The following SLC24A2 variants were observed in gnomAD, a reference collection of about 807,000 sequenced individuals.
SLC24A2 encodes the protein solute carrier family 24 member 2.
SLC24A2 carries 36 observed loss-of-function variants against 62.0 expected under a neutral mutation model. That is an observed-to-expected ratio of 0.58 (90% CI 0.44 to 0.77). SLC24A2 has a LOEUF of 0.77. Ranked by LOEUF, SLC24A2 falls within the 30% of genes least tolerant of loss-of-function variation. The pLI, the probability that SLC24A2 is intolerant of heterozygous loss-of-function variation, is 0.00. For missense variants in SLC24A2, 846 were observed against 817.9 expected (o/e 1.03, Z -0.42); for synonymous variants, 358 against 294.0 (o/e 1.22, Z -2.23).
In SLC24A2 at chr9:19,510,245, T is replaced by C. The variant is rs1002995327; in HGVS notation, c.*5908A>G. 2 of 152,012 alleles carry C rather than the reference T, an allele frequency of 1.3e-5. No individual in the cohort carries two copies. The highest frequency in any genetic ancestry group is 4.8e-5 in the African/African-American group (2 of 41,384). 9.4% of individuals were successfully genotyped at this position (152,012 alleles called of 1,614,324 possible). On this transcript the variant is annotated 3_prime_UTR_variant, in exon 11 of 11. Transcript: ENST00000341998. ...GATTATCATTAGTCATAAGGTTCCA[T>C]CATTTAAGAACAATATAAAGAACTT...
intron 2 of SLC24A2, among the ~76,000 whole-genome samples, chr9:19,638,361 G>C (rs186066275): frequency 6.6e-6 from 1 of 152,204 alleles, no homozygotes; most frequent in Non-Finnish European, 1.5e-5. Flanking sequence ...ATTTTAGTAA[G>C]TTGAATTTAC....
At chr9:19,891,698 A>T in the SLC24A2 span, among the ~76,000 whole-genome samples, 1 of 152,192 alleles carries the variant, frequency 6.6e-6, no homozygotes, top group Admixed American at 6.5e-5. Context: ...GTGAGCTATG[A>T]TCACGCCACT....
the SLC24A2 span, among the ~76,000 whole-genome samples, chr9:19,933,261 C>T: frequency 2.7e-4 from 41 of 152,196 alleles, no homozygotes; most frequent in Admixed American, 2.4e-3. Flanking sequence ...CTAAAAGCAA[C>T]GGTACTTGCA....
the SLC24A2 span, among the ~76,000 whole-genome samples, chr9:19,912,342 T>C: frequency 6.6e-6 from 1 of 152,180 alleles, no homozygotes; most frequent in Non-Finnish European, 1.5e-5. Flanking sequence ...AGCATTTGAA[T>C]GTCCTGGAAA....
the SLC24A2 span, among the ~76,000 whole-genome samples, chr9:20,062,599 A>G: frequency 3.5e-5 from 5 of 143,302 alleles, no homozygotes; most frequent in Non-Finnish European, 7.5e-5. Context: ...TTCTTGTCTA[A>G]AACACCAAAA....
the SLC24A2 span, among the ~76,000 whole-genome samples, chr9:20,231,623 G>A: frequency 1.3e-5 from 2 of 152,160 alleles, no homozygotes; most frequent in African/African-American, 4.8e-5. Context: ...ATCAGCTTGA[G>A]GAGATTTTGG....
At chr9:19,888,453 A>G in the SLC24A2 span, among the ~76,000 whole-genome samples, 1 of 152,092 alleles carries the variant, frequency 6.6e-6, no homozygotes, top group Non-Finnish European at 1.5e-5. Context: ...TCTTTTATTT[A>G]TAATAAAACC....
the SLC24A2 span, among the ~76,000 whole-genome samples, chr9:20,261,519 G>A: frequency 1.3e-5 from 2 of 152,074 alleles, no homozygotes; most frequent in African/African-American, 2.4e-5. Context: ...ATCCATTCAT[G>A]AGGGCGCCGC....
intron 1 of SLC24A2, among the ~76,000 whole-genome samples, chr9:19,787,604 A>C (rs1276191343): frequency 1.3e-5 from 2 of 152,216 alleles, no homozygotes; most frequent in Non-Finnish European, 2.9e-5. Flanking sequence ...TTTTTCATAA[A>C]AAGTCTCTCC....
intron 4 of SLC24A2, among the ~76,000 whole-genome samples, chr9:19,612,735 G>A (rs1388930761): frequency 6.6e-6 from 1 of 152,124 alleles, no homozygotes; most frequent in African/African-American, 2.4e-5. Context: ...AAACAAGCTG[G>A]GTATGGTGTC....
At chr9:19,927,487 T>G in the SLC24A2 span, 1 of 152,208 alleles carries the variant, frequency 6.6e-6, no homozygotes, top group African/African-American at 2.4e-5. Flanking sequence ...GATGATGAAT[T>G]TGGGCCTAGA....
the SLC24A2 span, among the ~76,000 whole-genome samples, chr9:20,091,862 T>C: frequency 2.6e-4 from 40 of 152,284 alleles, 3 homozygotes; most frequent in African/African-American, 9.1e-4. Flanking sequence ...CAATGGCAGA[T>C]TGGATAAAGA....
chr9:19,521,757 C>T (rs1221190196), intron 9 of SLC24A2, among the ~76,000 whole-genome samples: 2 of 152,118 alleles, frequency 1.3e-5, no homozygotes, highest in African/African-American at 2.4e-5. Flanking sequence ...ATAATAATAC[C>T]TACCTTACCA....
intron 2 of SLC24A2, among the ~76,000 whole-genome samples, chr9:19,713,825 C>T (rs369875269): frequency 1.8e-4 from 28 of 152,016 alleles, no homozygotes; most frequent in African/African-American, 6.3e-4. Flanking sequence ...CTGAATTCCT[C>T]AAGAATACTA....
chr9:20,116,248 C>A, the SLC24A2 span, among the ~76,000 whole-genome samples: 3 of 152,120 alleles, frequency 2.0e-5, no homozygotes, highest in African/African-American at 7.2e-5. Flanking sequence ...CTAAATGTAT[C>A]CAGACCTTTG....
the SLC24A2 span, among the ~76,000 whole-genome samples, chr9:19,909,849 T>C: frequency 6.6e-6 from 1 of 152,110 alleles, no homozygotes; most frequent in South Asian, 2.1e-4. Context: ...CATGTTCTAA[T>C]ACCCCTCACT....
the SLC24A2 span, among the ~76,000 whole-genome samples, chr9:20,102,569 C>A: frequency 1.3e-5 from 2 of 151,932 alleles, no homozygotes; most frequent in Admixed American, 1.3e-4. Context: ...GTGCAGCAAA[C>A]CACCATGGTA....
chr9:19,619,550 C>A (rs772897776), intron 4 of SLC24A2, 34 bp downstream of exon 4: 4 of 1,531,816 alleles, frequency 2.6e-6, no homozygotes, highest in East Asian at 4.5e-5. Context: ...CTTTTCCCCC[C>A]AAACAAGTTC....
the SLC24A2 span, among the ~76,000 whole-genome samples, chr9:20,168,391 A>C: frequency 6.6e-6 from 1 of 152,010 alleles, no homozygotes; most frequent in African/African-American, 2.4e-5. Flanking sequence ...AACTTCATCA[A>C]ATTATCAGTT....
Sources: allele counts gnomAD v4.1 joint callset (sites outside exome capture counted in the v4.1 genomes callset), GRCh38; gene constraint gnomAD v4.1.1; transcripts MANE v1.5; gene names NCBI Gene and HGNC (gene_info 2026-07-23, HGNC 2026-07-21).